Variants in CCSER1 observed in about 807,000 individuals in gnomAD.
CCSER1 encodes coiled-coil serine rich protein 1.
Under a neutral mutation model 82.0 loss-of-function variants are expected in CCSER1, and 41 were observed. The observed-to-expected ratio is 0.50, with a 90% CI of 0.39 to 0.65. The LOEUF (loss-of-function observed/expected upper bound fraction) is 0.65, where lower values mean the gene tolerates loss of function less well. CCSER1 is among the 30% of genes least tolerant of loss of function. CCSER1 has a pLI of 0.00. For synonymous variants in CCSER1, 414 were observed against 383.9 expected (o/e 1.08, Z -0.92); for missense variants, 1,119 against 1,064.2 (o/e 1.05, Z -0.72).
At chr4:91,111,843 T>G (rs969300547) in intron 10 of CCSER1, among the ~76,000 whole-genome samples, 4 of 73,084 alleles carry the variant, frequency 5.5e-5, no homozygotes, top group Non-Finnish European at 9.0e-5. Flanking sequence ...AAGAAGACAA[T>G]AAAACAGAAA....
chr4:90,623,923 T>C (rs1424107082), intron 5 of CCSER1, among the ~76,000 whole-genome samples: 3 of 152,182 alleles, frequency 2.0e-5, no homozygotes, highest in Admixed American at 6.5e-5. Context: ...GTCTTAGAAT[T>C]ATTCAAGCTA....
At chr4:90,644,919 C>A (rs542052104) in intron 6 of CCSER1, among the ~76,000 whole-genome samples, 1 of 151,154 alleles carries the variant, frequency 6.6e-6, no homozygotes, top group Non-Finnish European at 1.5e-5. Flanking sequence ...CCATCTCCAC[C>A]GAGAGTACAA....
At chr4:91,161,598 CT>C (rs1731407711) in intron 10 of CCSER1, among the ~76,000 whole-genome samples, 2 of 152,018 alleles carry the variant, frequency 1.3e-5, no homozygotes, top group South Asian at 4.2e-4. Flanking sequence ...GTTTGTAGTT[CT>C]CTTTGAAGAG....
At chr4:90,465,831 A>G (rs1763555708) in intron 4 of CCSER1, among the ~76,000 whole-genome samples, 1 of 152,198 alleles carries the variant, frequency 6.6e-6, no homozygotes, top group Admixed American at 6.5e-5. Flanking sequence ...TTGATATACC[A>G]TGTGAACTTC....
intron 5 of CCSER1, among the ~76,000 whole-genome samples, chr4:90,593,616 C>G (rs1782968171): frequency 6.6e-6 from 1 of 152,014 alleles, no homozygotes; most frequent in Non-Finnish European, 1.5e-5. Flanking sequence ...AGGTTCTATT[C>G]TCCTGCCTCG....
At chr4:90,384,270 G>A (rs1207508238) in intron 3 of CCSER1, among the ~76,000 whole-genome samples, 1 of 144,800 alleles carries the variant, frequency 6.9e-6, no homozygotes, top group African/African-American at 2.6e-5. Context: ...AGGTATATTT[G>A]CTAATGCTAT....
chr4:91,337,299 A>G (rs554827221), intron 10 of CCSER1, among the ~76,000 whole-genome samples: 3 of 152,254 alleles, frequency 2.0e-5, no homozygotes, highest in South Asian at 2.1e-4. Context: ...AATATACCAT[A>G]TACATTAGAA....
At chr4:91,085,841 T>G in intron 9 of CCSER1, 109 bp from the exon 10 acceptor site, 1 of 694,670 alleles carries the variant, frequency 1.4e-6, no homozygotes, top group South Asian at 1.8e-5. Context: ...AGATCTTCTT[T>G]GTTACGAATA....
chr4:90,779,849 T>C (rs1753506560), intron 7 of CCSER1, among the ~76,000 whole-genome samples: 1 of 152,236 alleles, frequency 6.6e-6, no homozygotes, highest in South Asian at 2.1e-4. Flanking sequence ...GAGAACATGC[T>C]TTTTGGATCT....
At chr4:90,699,151 T>A (rs935332815) in intron 6 of CCSER1, among the ~76,000 whole-genome samples, 2 of 152,034 alleles carry the variant, frequency 1.3e-5, no homozygotes, top group African/African-American at 4.8e-5. Context: ...AAGGGCAGCT[T>A]AGACTTCAAT....
At chr4:91,377,085 T>C (rs916455103) in intron 10 of CCSER1, among the ~76,000 whole-genome samples, 2 of 152,236 alleles carry the variant, frequency 1.3e-5, no homozygotes, top group East Asian at 3.9e-4. Context: ...GAACTCATCA[T>C]TTTTTATGGC....
chr4:91,441,651 T>C (rs185509005), intron 10 of CCSER1, among the ~76,000 whole-genome samples: 16,358 of 152,100 alleles, frequency 0.11, 1,024 homozygotes, highest in Middle Eastern at 0.19. Flanking sequence ...AAATAAAGGG[T>C]ATTCAATTAG....
chr4:90,808,582 T>A (rs1285767896), intron 7 of CCSER1, among the ~76,000 whole-genome samples: 1 of 151,964 alleles, frequency 6.6e-6, no homozygotes, highest in Non-Finnish European at 1.5e-5. Context: ...GTAAATGACA[T>A]AAGCAGACAT....
intron 10 of CCSER1, among the ~76,000 whole-genome samples, chr4:91,261,504 C>T (rs1008485086): frequency 6.6e-6 from 1 of 152,200 alleles, no homozygotes; most frequent in Non-Finnish European, 1.5e-5. Context: ...TAGTACCTTT[C>T]ATTTACACTT....
chr4:91,053,179 A>C (rs551805542), intron 9 of CCSER1, among the ~76,000 whole-genome samples: 1 of 152,322 alleles, frequency 6.6e-6, no homozygotes, highest in South Asian at 2.1e-4. Context: ...TCCTAATTGT[A>C]AATTTCACTA....
At chr4:90,256,137 C>T (rs1005449707) in intron 1 of CCSER1, among the ~76,000 whole-genome samples, 2 of 152,112 alleles carry the variant, frequency 1.3e-5, no homozygotes, top group Non-Finnish European at 2.9e-5. Flanking sequence ...TTTATTGACC[C>T]TGTTCCATGT....
intron 1 of CCSER1, among the ~76,000 whole-genome samples, chr4:90,271,445 G>A (rs537058515): frequency 4.5e-4 from 68 of 152,184 alleles, no homozygotes; most frequent in African/African-American, 1.6e-3. Flanking sequence ...ATATGCAGAA[G>A]AATGAAACTA....
intron 10 of CCSER1, among the ~76,000 whole-genome samples, chr4:91,346,031 C>T (rs1180708893): frequency 7.2e-6 from 1 of 138,904 alleles, no homozygotes; most frequent in Non-Finnish European, 1.5e-5. Flanking sequence ...GGCTTGACAG[C>T]TCTTTTTTTT....
chr4:90,224,522 A>G lies in CCSER1; in HGVS notation c.-41-83722A>G, dbSNP rs983918966. 2.0e-5 allele frequency among the ~76,000 whole-genome samples: 3 copies of G among 152,236 alleles called. No homozygotes were observed. The South Asian group carries it at 6.2e-4, about 31-fold the overall frequency. ...ACCTGTGTTTATCGTTTGCTATCCC[A>G]GTCTATTATAACATATTTTTTCTTT... On this transcript the variant is annotated intron_variant, in intron 1 of 10. Coordinates refer to ENST00000509176, the MANE Select transcript of CCSER1 (RefSeq NM_001145065.2).
Sources: gnomAD v4.1 joint callset for allele counts (sites outside exome capture counted in the v4.1 genomes callset) on GRCh38, gnomAD v4.1.1 for gene constraint, MANE v1.5 for transcripts, NCBI Gene and HGNC (gene_info 2026-07-23, HGNC 2026-07-21) for gene names.